Variants in TRIM71 observed in about 807,000 individuals in gnomAD.
TRIM71 encodes tripartite motif containing 71.
In TRIM71, 9 loss-of-function variants were observed where a neutral mutation model predicts 61.2. The observed-to-expected ratio is 0.15, with a 90% confidence interval of 0.09 to 0.26. The LOEUF (loss-of-function observed/expected upper bound fraction) is 0.26. Among genes scored for constraint, TRIM71 ranks in the 10% least tolerant of loss-of-function variants. The pLI, the probability that TRIM71 is intolerant of heterozygous loss-of-function variation, is 1.00. For synonymous variants in TRIM71, 645 were observed against 553.2 expected, an observed-to-expected ratio of 1.17 and a Z score of -2.33; for missense variants, 998 against 1,238.7, an observed-to-expected ratio of 0.81 and a Z score of 2.92.
chr3:32,870,251 T>A (rs1696780879), intron 1 of TRIM71, among the ~76,000 whole-genome samples: 1 of 152,220 alleles, frequency 6.6e-6, no homozygotes, highest in African/African-American at 2.4e-5. Flanking sequence ...AAAGTGGATT[T>A]CATTTTATAG....
chr3:32,864,872 G>A (rs899347418), intron 1 of TRIM71, among the ~76,000 whole-genome samples: 3 of 148,522 alleles, frequency 2.0e-5, no homozygotes, highest in Non-Finnish European at 4.4e-5. Flanking sequence ...GTGTGTGTGT[G>A]TGTGTGTGTG....
rs146296287 is a variant in TRIM71 at position 32,891,769 on chromosome 3, C to T, written c.2565C>T (p.Ile855=). Residue 855 remains isoleucine (I), a synonymous_variant, in exon 4 of 4, where the codon ATC becomes ATT. Transcript: ENST00000383763. This position sits in a 1 kb window ranked among gnomAD's most constrained non-coding sequence, Gnocchi z 8.2. ...TCGCCATCACCCCCGACGGAATGAT[C>T]GTTGTGGTGGACTTTGGCAACAATC... is the stretch of plus-strand genomic sequence containing the variant. ...SGIAITPDGM[I]VVVDFGNNRI... 9.2e-5 allele frequency: 148 copies of T among 1,613,990 alleles called. 1 individual carries two copies. In the Admixed American group the frequency reaches 2.3e-3, roughly 25 times the overall value.
At chr3:32,886,789 T>C (rs974337387) in intron 3 of TRIM71, among the ~76,000 whole-genome samples, 4 of 152,226 alleles carry the variant, frequency 2.6e-5, no homozygotes, top group African/African-American at 9.6e-5. Flanking sequence ...ATGGTGGGGA[T>C]GGCACCTCAG....
At chr3:32,844,686 C>T (rs1252680361) in intron 1 of TRIM71, among the ~76,000 whole-genome samples, 1 of 152,100 alleles carries the variant, frequency 6.6e-6, no homozygotes, top group Non-Finnish European at 1.5e-5. Flanking sequence ...GTATTATTAT[C>T]AGATGCCCTG....
rs1056832919 is a variant in TRIM71, at chr3:32,893,857, AG to A, written c.*2048del. 7 of 152,212 alleles carry A rather than the reference AG, an allele frequency of 4.6e-5. No individual in the cohort carries two copies. The highest frequency in any genetic ancestry group is 1.4e-4 in the African/African-American group (6 of 41,540). 9.4% of individuals were successfully genotyped at this position (152,212 alleles called of 1,614,324 possible). ...GGGTTTCTGAGTGACCAAAATGGGA[AG>A]GAAAAAAAAAACCTCATCTCACAGA... On this transcript the variant is annotated 3_prime_UTR_variant, in exon 4 of 4. Transcript: ENST00000383763.
Position 32,893,481 on chromosome 3 carries a change from A to G in TRIM71, c.*1670A>G, listed in dbSNP as rs964378216. On this transcript the variant is annotated 3_prime_UTR_variant, in exon 4 of 4. Coordinates refer to ENST00000383763, the MANE Select transcript of TRIM71 (RefSeq NM_001039111.3). ...TGTCAGAACCCAGTGGGTTCCTGCA[A>G]TGCCCCAAATACTGAAATAAGAACC... 3.9e-5 allele frequency: 6 copies of G among 152,154 alleles called. No individual in the cohort carries two copies. The highest frequency in any genetic ancestry group is 2.1e-4 in the South Asian group (1 of 4,822). 9.4% of individuals were successfully genotyped at this position (152,154 alleles called of 1,614,324 possible). A position where few individuals can be genotyped will look rare whatever the true frequency, so the allele number is the denominator to read the frequency against.
chr3:32,820,052 C>G (rs1696110264), intron 1 of TRIM71, among the ~76,000 whole-genome samples: 1 of 152,252 alleles, frequency 6.6e-6, no homozygotes, highest in Non-Finnish European at 1.5e-5. Flanking sequence ...TCTTGAGAAG[C>G]GGGCTCTTGC....
Position 32,891,319 on chromosome 3 carries a change from T to C in TRIM71, c.2115T>C (p.Asp705=), listed in dbSNP as rs1202481653. ...ATGGGCAGTTCAACTACCCTTGGGA[T>C]GTGGCGGTGAATTCTGAGGGCAAGA... ...TKNGQFNYPW[D]VAVNSEGKIL... The change falls in exon 4 of 4, where the codon GAT becomes GAC. Residue 705 remains aspartate, a synonymous_variant. Coordinates refer to ENST00000383763, the MANE Select transcript of TRIM71 (RefSeq NM_001039111.3). The surrounding 1 kb of genome is among the most constrained non-coding windows in gnomAD (Gnocchi z 8.2). 4 of 1,614,100 alleles carry C rather than the reference T, an allele frequency of 2.5e-6. No homozygotes were observed. The Admixed American group carries it at 5.0e-5, about 20-fold the overall frequency.
chr3:32,875,484 C>G (rs759731727), intron 2 of TRIM71, among the ~76,000 whole-genome samples: 49 of 152,304 alleles, frequency 3.2e-4, no homozygotes, highest in African/African-American at 1.1e-3. Context: ...AAATTGTTCA[C>G]CCTCTAGGAG....
intron 1 of TRIM71, among the ~76,000 whole-genome samples, chr3:32,859,713 C>G (rs146607993): frequency 2.0e-5 from 3 of 152,158 alleles, no homozygotes; most frequent in Admixed American, 2.0e-4. Flanking sequence ...CCTGGCTTTC[C>G]AGGGGTCACT....
intron 1 of TRIM71, among the ~76,000 whole-genome samples, chr3:32,837,450 T>C (rs979933985): frequency 6.6e-6 from 1 of 152,156 alleles, no homozygotes; most frequent in Non-Finnish European, 1.5e-5. Context: ...GCTGTGGATA[T>C]GGTCAAATCT....
chr3:32,849,848 G>GTATAGTGAAAAA (rs1696518583), intron 1 of TRIM71, among the ~76,000 whole-genome samples: 1 of 152,122 alleles, frequency 6.6e-6, no homozygotes, highest in Non-Finnish European at 1.5e-5. Flanking sequence ...AGAACTGCAC[G>GTATAGTGAAAAA]CTCAAAATTT....
chr3:32,876,244 C>G (rs1162018840), intron 2 of TRIM71, among the ~76,000 whole-genome samples: 8 of 152,134 alleles, frequency 5.3e-5, no homozygotes. Context: ...CTGGTGTCTC[C>G]TCGACACCGG....
intron 1 of TRIM71, among the ~76,000 whole-genome samples, chr3:32,859,362 C>T (rs1007946734): frequency 6.6e-6 from 1 of 152,110 alleles, no homozygotes; most frequent in Non-Finnish European, 1.5e-5. Context: ...TGGGTTCAAA[C>T]GATTCTCCTG....
intron 1 of TRIM71, among the ~76,000 whole-genome samples, chr3:32,843,943 C>T: frequency 6.6e-6 from 1 of 151,992 alleles, no homozygotes. Context: ...CAAATAACTC[C>T]AGATAAACGC....
At chr3:32,850,431 G>A (rs1319196142) in intron 1 of TRIM71, among the ~76,000 whole-genome samples, 1 of 152,084 alleles carries the variant, frequency 6.6e-6, no homozygotes, top group Admixed American at 6.6e-5. Flanking sequence ...TATTTCAAAG[G>A]GATATTGTAT....
At chr3:32,882,298 T>C (rs1236256644) in intron 2 of TRIM71, among the ~76,000 whole-genome samples, 1 of 152,070 alleles carries the variant, frequency 6.6e-6, no homozygotes, top group Non-Finnish European at 1.5e-5. Flanking sequence ...TGAGGAAGGA[T>C]TAAGAAATGT....
At chr3:32,842,077 A>T (rs962706291) in intron 1 of TRIM71, among the ~76,000 whole-genome samples, 4 of 152,190 alleles carry the variant, frequency 2.6e-5, no homozygotes, top group African/African-American at 9.7e-5. Flanking sequence ...GGATTTCCCC[A>T]CAGCTCAGCA....
In TRIM71 at chr3:32,818,563, C is replaced by G. The variant is rs1382881277; in HGVS notation, c.483C>G (p.Ser161=). The change falls in exon 1 of 4, where the codon TCC becomes TCG. Residue 161 remains serine, a synonymous_variant. Coordinates refer to ENST00000383763, the MANE Select transcript of TRIM71 (RefSeq NM_001039111.3). ...CTCACCACGCGCACCCGCGCGCGTC[C>G]GCCTCCGCGCCGCCACTCCCGCAGG... ...HHAHHAHPRA[S]ASAPPLPQAP... 3 of 1,257,134 alleles carry G rather than the reference C, an allele frequency of 2.4e-6. No individual in the cohort carries two copies. The highest frequency in any genetic ancestry group is 3.0e-6 in the Non-Finnish European group (3 of 1,008,686). The allele number at this position is 1,257,134 out of a possible 1,614,324, so 77.9% of individuals were successfully genotyped here. A position where few individuals can be genotyped will look rare whatever the true frequency, so the allele number is the denominator to read the frequency against.
Sources: gnomAD v4.1 joint callset for allele counts (sites outside exome capture counted in the v4.1 genomes callset) on GRCh38, gnomAD v4.1.1 for gene constraint, Gnocchi (gnomAD v3.1) non-coding constraint, MANE v1.5 for transcripts, NCBI Gene and HGNC (gene_info 2026-07-23, HGNC 2026-07-21) for gene names.